POLD3: variants seen among roughly 807,000 people sequenced by gnomAD.
The protein encoded by POLD3 is DNA polymerase delta 3, accessory subunit.
Under a neutral mutation model 58.2 loss-of-function variants are expected in POLD3, and 19 were observed. That is an observed-to-expected ratio of 0.33 (90% CI 0.23 to 0.48). The LOEUF (loss-of-function observed/expected upper bound fraction) is 0.48, where lower values mean the gene tolerates loss of function less well. Among genes scored for constraint, POLD3 ranks in the 20% least tolerant of loss-of-function variants. The probability of loss-of-function intolerance (pLI) is 0.99; values close to 1 mark genes in which losing one functional copy is unlikely to be tolerated. For synonymous variants in POLD3, 172 were observed against 193.5 expected (o/e 0.89, Z 0.92); for missense variants, 504 against 545.5 (o/e 0.92, Z 0.76).
intron 3 of POLD3, among the ~76,000 whole-genome samples, chr11:74,609,372 A>ATATATT (rs2031821525): frequency 3.7e-5 from 1 of 27,196 alleles, no homozygotes; most frequent in African/African-American, 1.9e-4. Flanking sequence ...ATATATATAT[A>ATATATT]TTTTTTTTTT....
chr11:74,619,808 A>G (rs1287646695), intron 6 of POLD3, among the ~76,000 whole-genome samples: 2 of 152,312 alleles, frequency 1.3e-5, no homozygotes, highest in Admixed American at 6.5e-5. Flanking sequence ...TATATAAGAA[A>G]CTAAGCTTTA....
downstream of POLD3, among the ~76,000 whole-genome samples, chr11:74,646,340 A>G (rs916956413): frequency 6.6e-6 from 1 of 152,162 alleles, no homozygotes; most frequent in Non-Finnish European, 1.5e-5. Context: ...ATTTGAAGGC[A>G]ATCTTAATGC....
At chr11:74,632,693 C>G (rs981411802) in intron 9 of POLD3, among the ~76,000 whole-genome samples, 2 of 152,090 alleles carry the variant, frequency 1.3e-5, no homozygotes, top group Non-Finnish European at 2.9e-5. Context: ...ATTAAGGACT[C>G]TTGACTCTAC....
chr11:74,624,953 T>C (rs1797300352), intron 7 of POLD3, among the ~76,000 whole-genome samples: 1 of 152,194 alleles, frequency 6.6e-6, no homozygotes, highest in Admixed American at 6.5e-5. Context: ...AAATAGTCTT[T>C]AAATTTTATC....
At chr11:74,610,987 G>T (rs967207316) in intron 3 of POLD3, among the ~76,000 whole-genome samples, 2 of 152,008 alleles carry the variant, frequency 1.3e-5, no homozygotes, top group Non-Finnish European at 2.9e-5. Flanking sequence ...GTTGGCCAGG[G>T]TGGTCTCAAA....
chr11:74,661,561 G>T (rs998459658), intron 4 of POLD3, among the ~76,000 whole-genome samples: 1 of 152,198 alleles, frequency 6.6e-6, no homozygotes, highest in African/African-American at 2.4e-5. Flanking sequence ...TCTCTGTGCT[G>T]AGCCGCCTGG....
intron 11 of POLD3, among the ~76,000 whole-genome samples, chr11:74,638,294 A>T (rs1216413832): frequency 1.3e-5 from 2 of 152,124 alleles, no homozygotes; most frequent in African/African-American, 4.8e-5. Flanking sequence ...TATACTGAAT[A>T]TGCTGCTAAA....
chr11:74,632,877 T>TAC (rs71036003), intron 9 of POLD3, among the ~76,000 whole-genome samples: 2,966 of 115,644 alleles, frequency 0.026, 86 homozygotes, highest in East Asian at 0.043. Context: ...TTTAAGTAAA[T>TAC]ACACACACAC....
At chr11:74,604,209 T>C (rs1334958577) in intron 2 of POLD3, among the ~76,000 whole-genome samples, 1 of 152,170 alleles carries the variant, frequency 6.6e-6, no homozygotes, top group Non-Finnish European at 1.5e-5. Flanking sequence ...CACATAAACA[T>C]TTGCTGAAAC....
chr11:74,666,718 C>T (rs755063663), intron 4 of POLD3, among the ~76,000 whole-genome samples: 2 of 151,710 alleles, frequency 1.3e-5, no homozygotes, highest in African/African-American at 2.4e-5. Flanking sequence ...TTTTTTTCCC[C>T]AGAAATTGAC....
chr11:74,665,491 C>T lies in POLD3; in HGVS notation c.370-3286C>T, dbSNP rs769678073. Among the ~76,000 whole-genome samples the T allele has an allele frequency of 2.0e-4, 29 of 148,412 alleles. No homozygotes were observed. In the South Asian group the frequency reaches 2.3e-3, roughly 12 times the overall value. The stretch of plus-strand genomic sequence containing the variant: ...TGTCGACTCACTGCAACCTCCACCT[C>T]CCAGGTTCAAGCAAGTCTCTTGCCT... On this transcript the variant is annotated intron_variant, in intron 4 of 4. Coordinates refer to the POLD3 transcript ENST00000524752.
At chr11:74,593,568 C>T (rs989278143) in intron 1 of POLD3, among the ~76,000 whole-genome samples, 1 of 152,168 alleles carries the variant, frequency 6.6e-6, no homozygotes, top group African/African-American at 2.4e-5. Context: ...TGGTAGTTCC[C>T]AATCTAATCT....
intron 4 of POLD3, among the ~76,000 whole-genome samples, chr11:74,612,467 TAC>T (rs2135139154): frequency 6.6e-6 from 1 of 152,348 alleles, no homozygotes; most frequent in East Asian, 1.9e-4. Flanking sequence ...GTGTTTTTAT[TAC>T]AGAGTTGCTT....
At chr11:74,604,588 G>C in intron 2 of POLD3, 104 bp from the exon 3 acceptor site, 2 of 670,304 alleles carry the variant, frequency 3.0e-6, no homozygotes, top group Non-Finnish European at 5.2e-6. Context: ...CAGAAAATTT[G>C]ATGGACTACC....
chr11:74,656,133 A>C (rs1452008900), intron 4 of POLD3, among the ~76,000 whole-genome samples: 1 of 152,240 alleles, frequency 6.6e-6, no homozygotes, highest in East Asian at 1.9e-4. Context: ...TATGTTCAAC[A>C]TCTCTACACT....
chr11:74,637,127 C>T (rs2032771085), intron 11 of POLD3, among the ~76,000 whole-genome samples: 1 of 151,956 alleles, frequency 6.6e-6, no homozygotes, highest in African/African-American at 2.4e-5. Context: ...CTTGGATCTT[C>T]AGAGAAGATT....
intron 4 of POLD3, among the ~76,000 whole-genome samples, chr11:74,656,239 T>G (rs7118314): frequency 0.82 from 124,402 of 152,054 alleles, 51,069 homozygotes; most frequent in Middle Eastern, 0.94. Flanking sequence ...CTCTTAGTAC[T>G]GCTTTTGCTG....
chr11:74,666,695 T>C (rs537436527), intron 4 of POLD3, among the ~76,000 whole-genome samples: 8 of 152,194 alleles, frequency 5.3e-5, no homozygotes, highest in South Asian at 4.1e-4. Flanking sequence ...CTTATCAAAA[T>C]CCCAGCTGGA....
chr11:74,633,366 C>T (rs1332194808), intron 9 of POLD3, among the ~76,000 whole-genome samples: 1 of 152,112 alleles, frequency 6.6e-6, no homozygotes, highest in Non-Finnish European at 1.5e-5. Context: ...TTTCCCAGAG[C>T]TTATAAAGTT....
Sources: gnomAD v4.1 joint callset for allele counts (sites outside exome capture counted in the v4.1 genomes callset) on GRCh38, gnomAD v4.1.1 for gene constraint, MANE v1.5 for transcripts, NCBI Gene and HGNC (gene_info 2026-07-23, HGNC 2026-07-21) for gene names.